Variants in CEP85L observed in about 807,000 individuals in gnomAD.
CEP85L encodes the protein centrosomal protein 85L.
Under a neutral mutation model 100.3 loss-of-function variants are expected in CEP85L, and 60 were observed. The ratio of observed to expected loss-of-function variants is 0.60; its 90% CI spans 0.49 to 0.74. The LOEUF is 0.74. Among genes scored for constraint, CEP85L ranks in the 30% least tolerant of loss-of-function variants. CEP85L has a pLI of 0.00. For synonymous variants in CEP85L, 319 were observed against 322.7 expected (o/e 0.99, Z 0.12); for missense variants, 973 against 936.2 (o/e 1.04, Z -0.51).
chr6:118,689,301 A>G (rs1423860553), intron 1 of CEP85L, among the ~76,000 whole-genome samples: 1 of 151,932 alleles, frequency 6.6e-6, no homozygotes, highest in African/African-American at 2.4e-5. Context: ...TCCTACTTTA[A>G]GGTGCTGCAT....
At chr6:118,632,656 G>A (rs773893933) in intron 1 of CEP85L, 45 bp from the exon 2 acceptor site, 23 of 1,519,168 alleles carry the variant, frequency 1.5e-5, no homozygotes, top group Middle Eastern at 1.7e-4. Flanking sequence ...ATCTGAGTAG[G>A]CAGAAGATTT....
At chr6:118,694,057 C>T (rs746381571) in intron 1 of CEP85L, among the ~76,000 whole-genome samples, 5 of 152,210 alleles carry the variant, frequency 3.3e-5, no homozygotes, top group Non-Finnish European at 7.3e-5. Context: ...CCCATAAAAA[C>T]AGTGACCACT....
chr6:118,678,125 G>A (rs1272961918), intron 1 of CEP85L, among the ~76,000 whole-genome samples: 1 of 152,176 alleles, frequency 6.6e-6, no homozygotes, highest in African/African-American at 2.4e-5. Flanking sequence ...AGTTCCCAAT[G>A]GATCAACATC....
intron 12 of CEP85L, among the ~76,000 whole-genome samples, chr6:118,466,392 G>C (rs994571262): frequency 6.6e-6 from 1 of 152,044 alleles, no homozygotes; most frequent in African/African-American, 2.4e-5. Context: ...GTCAGAAAAG[G>C]AACAGACACA....
chr6:118,576,629 C>T (rs946937220), intron 2 of CEP85L, among the ~76,000 whole-genome samples: 2 of 152,090 alleles, frequency 1.3e-5, no homozygotes, highest in African/African-American at 4.8e-5. Flanking sequence ...AGAGTTAATA[C>T]TCCTGTGTCT....
rs1226153405 is a variant in CEP85L at position 118,555,220 on chromosome 6, G to A, written c.1020+10309C>T. Among the ~76,000 whole-genome samples, 4 of 151,930 alleles carry A rather than the reference G, an allele frequency of 2.6e-5. No individual in the cohort carries two copies. In the South Asian group the frequency reaches 6.2e-4, roughly 24 times the overall value. ...GCCGAGGCGGGTGGATCACGAGGTC[G>A]GGAGATCGAGACCATCCTGGCTAAC... On this transcript the variant is annotated intron_variant, in intron 3 of 12. Coordinates refer to ENST00000368491, the MANE Select transcript of CEP85L (RefSeq NM_001042475.3).
In CEP85L at chr6:118,465,559, C is replaced by G. The variant is rs754217729; in HGVS notation, c.2264G>C (p.Cys755Ser). The G allele has an allele frequency of 6.2e-7, 1 of 1,609,490 alleles. No homozygotes were observed. Among genetic ancestry groups the G allele is most frequent in the South Asian group, 1.1e-5 (1 of 90,012 alleles). Residue 755 changes from cysteine (C) to serine (S), a missense_variant, in exon 13 of 13, where the codon TGT (cysteine) becomes TCT (serine). Coordinates refer to ENST00000368491, the MANE Select transcript of CEP85L (RefSeq NM_001042475.3). ...GTCATTCTCAGTCTCTTCAGCTGAACAGTTCATTGCTGTGTAAATAAAACA... is the reference window on the plus strand; with the variant it reads ...GTCATTCTCAGTCTCTTCAGCTGAAGAGTTCATTGCTGTGTAAATAAAACA... ...SLLLGIRSMN[C>S]SAEETENDHS...
At chr6:118,632,400 A>C (rs916912396) in intron 2 of CEP85L, 53 bp downstream of exon 2, 24 of 1,398,332 alleles carry the variant, frequency 1.7e-5, no homozygotes, top group Non-Finnish European at 1.9e-5. Flanking sequence ...AAATTCTTGT[A>C]CCACAACCAC....
chr6:118,573,635 A>G (rs1780041710), intron 2 of CEP85L, among the ~76,000 whole-genome samples: 1 of 152,224 alleles, frequency 6.6e-6, no homozygotes, highest in Non-Finnish European at 1.5e-5. Flanking sequence ...CCAACGTTTT[A>G]TAGTCCTCAT....
intron 8 of CEP85L, 68 bp downstream of exon 8, chr6:118,481,711 A>C: frequency 1.1e-6 from 1 of 926,400 alleles, no homozygotes; most frequent in Non-Finnish European, 1.5e-6. Flanking sequence ...TTATAAATTA[A>C]TTTAAGTAAA....
At chr6:118,696,023 C>A (rs1040992282) in intron 1 of CEP85L, among the ~76,000 whole-genome samples, 8 of 152,172 alleles carry the variant, frequency 5.3e-5, no homozygotes, top group African/African-American at 1.4e-4. Flanking sequence ...GTAATCCCAG[C>A]ACTTTGGGAG....
rs548206287 is a variant in CEP85L, at chr6:118,471,702, T to C, written c.1915-1058A>G. Among the ~76,000 whole-genome samples, 23 of 151,760 alleles carry C rather than the reference T, an allele frequency of 1.5e-4. No individual in the cohort carries two copies. The South Asian group carries it at 2.1e-3, about 14-fold the overall frequency. ...TAGTAACTCAGAAGTTGGACAGAAATGAATCAAACTCTATAACAAGTGTTT... is the reference window on the plus strand; with the variant it reads ...TAGTAACTCAGAAGTTGGACAGAAACGAATCAAACTCTATAACAAGTGTTT... On this transcript the variant is annotated intron_variant, in intron 10 of 12. Transcript: ENST00000368491.
rs144771947 is a variant in CEP85L, at chr6:118,498,923, T to C, written c.1258-7058A>G. On this transcript the variant is annotated intron_variant, in intron 5 of 12. Transcript: ENST00000368491. ...TCCAATGTCTGCTGTCAGACCATAG[T>C]GGAATTAAACTAGAAATCAAAAACA... Among the ~76,000 whole-genome samples the C allele has an allele frequency of 2.6e-3, 395 of 152,240 alleles. 1 individual carries two copies. Among genetic ancestry groups the C allele is most frequent in the African/African-American group, 9.1e-3 (378 of 41,536 alleles).
At chr6:118,500,688 T>G (rs1184398004) in intron 5 of CEP85L, among the ~76,000 whole-genome samples, 1 of 152,148 alleles carries the variant, frequency 6.6e-6, no homozygotes, top group East Asian at 1.9e-4. Context: ...TTGTTCAGTC[T>G]CCCAAGGTCC....
chr6:118,558,373 T>C (rs919061935), intron 3 of CEP85L, among the ~76,000 whole-genome samples: 3 of 152,160 alleles, frequency 2.0e-5, no homozygotes, highest in Non-Finnish European at 4.4e-5. Flanking sequence ...ACCAGAAATA[T>C]GCTATAGGAA....
upstream of CEP85L, chr6:118,651,667 C>A: frequency 9.3e-6 from 7 of 752,660 alleles, no homozygotes; most frequent in Non-Finnish European, 1.1e-5. Flanking sequence ...TGACTTCAGG[C>A]GTGCGCGGCG....
Position 118,566,093 on chromosome 6 carries a change from T to A in CEP85L, c.456A>T (p.Pro152=), listed in dbSNP as rs574822152. ...TGGATAAAGATGACCATTTCCGAAG[T>A]GGCCGGAAGTCCTTCATGTCTAGGG... The part of the protein sequence containing the change: ...DSSLDMKDFR[P]LRKWSSLSKL... Residue 152 remains proline (P), a synonymous_variant, in exon 3 of 13, where the codon CCA becomes CCT. Coordinates refer to ENST00000368491, the MANE Select transcript of CEP85L (RefSeq NM_001042475.3). 6.2e-6 allele frequency: 10 copies of A among 1,614,100 alleles called. No individual in the cohort carries two copies. Among genetic ancestry groups the A allele is most frequent in the Non-Finnish European group, 8.5e-6 (10 of 1,180,058 alleles).
At chr6:118,531,981 C>T (rs1349897450) in intron 3 of CEP85L, among the ~76,000 whole-genome samples, 2 of 152,138 alleles carry the variant, frequency 1.3e-5, no homozygotes, top group African/African-American at 4.8e-5. Context: ...TACCATTTGA[C>T]ATGGCAATCC....
chr6:118,646,485 A>G (rs1775199587), intron 1 of CEP85L, among the ~76,000 whole-genome samples: 1 of 152,000 alleles, frequency 6.6e-6, no homozygotes. Context: ...CCTGGTCAAC[A>G]TGGTGAAACC....
Sources: gnomAD v4.1 joint callset for allele counts (sites outside exome capture counted in the v4.1 genomes callset) on GRCh38, gnomAD v4.1.1 for gene constraint, MANE v1.5 for transcripts, NCBI Gene and HGNC (gene_info 2026-07-23, HGNC 2026-07-21) for gene names.